Variants in MAP2 observed in about 807,000 individuals in gnomAD.
The protein encoded by MAP2 is microtubule associated protein 2.
A neutral mutation model predicts 137.6 loss-of-function variants in MAP2; 14 were observed. The ratio of observed to expected loss-of-function variants is 0.10; its 90% confidence interval spans 0.07 to 0.16. The LOEUF is 0.16. Ranked by LOEUF, MAP2 falls within the 10% of genes least tolerant of loss-of-function variation. The pLI is 1.00. For missense variants in MAP2, 2,088 were observed against 2,191.5 expected (o/e 0.95, Z 0.94); for synonymous variants, 786 against 782.3 (o/e 1.00, Z -0.08).
chr2:209,493,446 TGAAAC>T (rs768534880), intron 1 of MAP2, among the ~76,000 whole-genome samples: 1 of 152,154 alleles, frequency 6.6e-6, no homozygotes, highest in Non-Finnish European at 1.5e-5. Flanking sequence ...TGTGATCTAA[TGAAAC>T]TAAAGAGCTT....
At chr2:209,566,664 C>T (rs951768685) in intron 2 of MAP2, among the ~76,000 whole-genome samples, 21 of 152,218 alleles carry the variant, frequency 1.4e-4, no homozygotes, top group Middle Eastern at 3.4e-3. Flanking sequence ...TCAGTCTTGG[C>T]GTTTCTGTGC....
At chr2:209,462,502 C>CT in intron 1 of MAP2, among the ~76,000 whole-genome samples, 1 of 152,268 alleles carries the variant, frequency 6.6e-6, no homozygotes, top group South Asian at 2.1e-4. Flanking sequence ...ATGTACACTA[C>CT]TTTGTATCTC....
intron 2 of MAP2, among the ~76,000 whole-genome samples, chr2:209,572,294 G>A (rs1227313679): frequency 2.6e-5 from 4 of 152,032 alleles, no homozygotes; most frequent in Non-Finnish European, 5.9e-5. Flanking sequence ...CAGTGACTAT[G>A]TCAAAGATGA....
chr2:209,598,078 T>A (rs919378510), intron 3 of MAP2, among the ~76,000 whole-genome samples: 1 of 152,162 alleles, frequency 6.6e-6, no homozygotes, highest in African/African-American at 2.4e-5. Context: ...CAACCTTGGC[T>A]CACTGCAACC....
At chr2:209,633,143 T>G (rs2093251702) in intron 4 of MAP2, among the ~76,000 whole-genome samples, 1 of 152,196 alleles carries the variant, frequency 6.6e-6, no homozygotes, top group Admixed American at 6.5e-5. Flanking sequence ...AATTATTTAT[T>G]TTTGTATGCC....
intron 4 of MAP2, among the ~76,000 whole-genome samples, chr2:209,635,525 C>T (rs1329726345): frequency 6.6e-6 from 1 of 152,120 alleles, no homozygotes; most frequent in Admixed American, 6.6e-5. Flanking sequence ...TTTGTATTTG[C>T]TCCATCCATA....
intron 13 of MAP2, among the ~76,000 whole-genome samples, chr2:209,721,690 T>A (rs559268090): frequency 6.6e-6 from 1 of 152,346 alleles, no homozygotes; most frequent in East Asian, 1.9e-4. Context: ...AGAATTTCCA[T>A]TTTTGTAACA....
intron 1 of MAP2, among the ~76,000 whole-genome samples, chr2:209,425,349 A>C (rs1250903341): frequency 6.6e-6 from 1 of 152,222 alleles, no homozygotes; most frequent in Admixed American, 6.5e-5. Context: ...ATGCCTAAAC[A>C]CACAAGTATG....
intron 1 of MAP2, among the ~76,000 whole-genome samples, chr2:209,441,816 C>A (rs1200941970): frequency 6.6e-6 from 1 of 151,490 alleles, no homozygotes; most frequent in African/African-American, 2.4e-5. Flanking sequence ...ATCCAAATCA[C>A]AAGATAACTG....
intron 2 of MAP2, among the ~76,000 whole-genome samples, chr2:209,524,597 T>C (rs954864937): frequency 3.3e-5 from 5 of 152,272 alleles, no homozygotes; most frequent in Non-Finnish European, 7.4e-5. Flanking sequence ...TGTAACACAC[T>C]TGCATAAAGT....
chr2:209,633,778 C>T (rs2093321012), intron 4 of MAP2, among the ~76,000 whole-genome samples: 1 of 151,994 alleles, frequency 6.6e-6, no homozygotes, highest in Admixed American at 6.6e-5. Context: ...GGAAAAGATA[C>T]GTTAAAGAGC....
chr2:209,684,223 C>T (rs2056090084), intron 7 of MAP2, among the ~76,000 whole-genome samples: 1 of 152,176 alleles, frequency 6.6e-6, no homozygotes, highest in Non-Finnish European at 1.5e-5. Context: ...GAACACAGAA[C>T]CAGGATTCTT....
chr2:209,717,189 C>G (rs1388256524), intron 13 of MAP2, among the ~76,000 whole-genome samples: 1 of 152,116 alleles, frequency 6.6e-6, no homozygotes, highest in Non-Finnish European at 1.5e-5. Context: ...ACTCACAGTT[C>G]CACAGGCTTA....
At chr2:209,609,497 T>C (rs1325542665) in intron 3 of MAP2, among the ~76,000 whole-genome samples, 4 of 152,160 alleles carry the variant, frequency 2.6e-5, no homozygotes. Context: ...GTCACTCAAT[T>C]TCTGCCTCAC....
intron 13 of MAP2, among the ~76,000 whole-genome samples, chr2:209,719,519 G>GT (rs142715276): frequency 0.016 from 2,491 of 152,226 alleles, 66 homozygotes; most frequent in African/African-American, 0.057. Flanking sequence ...TAAGAGAGAT[G>GT]TTTTTTTCTT....
chr2:209,729,589 G>A (rs1265357604), intron 14 of MAP2, among the ~76,000 whole-genome samples: 1 of 152,094 alleles, frequency 6.6e-6, no homozygotes, highest in Non-Finnish European at 1.5e-5. Context: ...GATTTCTTAG[G>A]TTAGACATGG....
intron 3 of MAP2, among the ~76,000 whole-genome samples, chr2:209,597,477 C>T (rs897846893): frequency 7.9e-5 from 12 of 152,178 alleles, no homozygotes; most frequent in African/African-American, 2.9e-4. Context: ...CGTCTCTCAT[C>T]ATCTTGAACT....
intron 7 of MAP2, among the ~76,000 whole-genome samples, chr2:209,684,195 G>A (rs572014055): frequency 2.2e-3 from 328 of 152,308 alleles, no homozygotes; most frequent in African/African-American, 7.5e-3. Context: ...GGAAGGCTGT[G>A]AAGGAATGGA....
At chr2:209,630,330 A>G (rs1218691124) in intron 4 of MAP2, among the ~76,000 whole-genome samples, 1 of 152,158 alleles carries the variant, frequency 6.6e-6, no homozygotes, top group Non-Finnish European at 1.5e-5. Context: ...CTTTAATTCA[A>G]GATGACTATA....
Sources: allele counts gnomAD v4.1 joint callset (sites outside exome capture counted in the v4.1 genomes callset), GRCh38; gene constraint gnomAD v4.1.1; transcripts MANE v1.5; gene names NCBI Gene and HGNC (gene_info 2026-07-23, HGNC 2026-07-21).